The following AAGAB variants were observed in gnomAD, a reference collection of about 807,000 sequenced individuals.
AAGAB encodes the protein alpha- and gamma-adaptin-binding protein p34.
In AAGAB, 38 loss-of-function variants were observed where a neutral mutation model predicts 44.1. The observed-to-expected ratio is 0.86, with a 90% CI of 0.67 to 1.13. AAGAB has a LOEUF of 1.13. Among genes scored for constraint, AAGAB ranks in the 50% most tolerant of loss-of-function variants. The pLI is 0.00. For missense variants in AAGAB, 450 were observed against 373.8 expected, an observed-to-expected ratio of 1.20 and a Z score of -1.68; for synonymous variants, 131 against 131.8, an observed-to-expected ratio of 0.99 and a Z score of 0.04.
At chr15:67,227,935 C>A (rs1276615385) in intron 5 of AAGAB, among the ~76,000 whole-genome samples, 2 of 151,912 alleles carry the variant, frequency 1.3e-5, no homozygotes, top group Admixed American at 1.3e-4. Flanking sequence ...AACTAATGCA[C>A]CAGTACTGTC....
At chr15:67,203,425 G>A in intron 9 of AAGAB, 123 bp downstream of exon 9, 1 of 840,876 alleles carries the variant, frequency 1.2e-6, no homozygotes, top group Non-Finnish European at 1.8e-6. Context: ...TTAGTTAGAA[G>A]TTAATATTCA....
intron 1 of AAGAB, among the ~76,000 whole-genome samples, chr15:67,240,152 A>G (rs1176286507): frequency 6.6e-6 from 1 of 152,242 alleles, no homozygotes; most frequent in Non-Finnish European, 1.5e-5. Context: ...TAGCCAGAAT[A>G]GGGGCACAAT....
intron 1 of AAGAB, chr15:67,254,261 C>A: frequency 2.0e-6 from 1 of 503,704 alleles, no homozygotes; most frequent in African/African-American, 1.9e-5. Context: ...TCCGGAGAGC[C>A]TTCAGGTTCA....
chr15:67,249,582 A>AT (rs376605158), intron 1 of AAGAB, among the ~76,000 whole-genome samples: 318 of 152,194 alleles, frequency 2.1e-3, no homozygotes, highest in Non-Finnish European at 3.7e-3. Flanking sequence ...GATGGCAACA[A>AT]TTTTTTTCCC....
intron 1 of AAGAB, among the ~76,000 whole-genome samples, chr15:67,239,006 A>G (rs961917944): frequency 3.9e-5 from 6 of 152,180 alleles, no homozygotes; most frequent in African/African-American, 1.4e-4. Context: ...TTCTTGGGTA[A>G]TTTTTAAAAA....
chr15:67,209,408 G>T, intron 6 of AAGAB, 54 bp downstream of exon 6: 1 of 1,352,506 alleles, frequency 7.4e-7, no homozygotes, highest in Non-Finnish European at 1.1e-6. Context: ...GATTCATAAT[G>T]ACAAGGAGAA....
intron 1 of AAGAB, among the ~76,000 whole-genome samples, chr15:67,244,530 C>T (rs1048990482): frequency 2.0e-5 from 3 of 152,062 alleles, no homozygotes; most frequent in South Asian, 2.1e-4. Flanking sequence ...GAGCCAGGCA[C>T]GGTGGCTCAT....
intron 1 of AAGAB, among the ~76,000 whole-genome samples, chr15:67,254,011 CA>C (rs1964986068): frequency 6.6e-6 from 1 of 152,174 alleles, no homozygotes; most frequent in African/African-American, 2.4e-5. Flanking sequence ...CAATCATACC[CA>C]AAAACTCATG....
intron 5 of AAGAB, among the ~76,000 whole-genome samples, chr15:67,214,334 G>A (rs1172457600): frequency 6.6e-6 from 1 of 152,170 alleles, no homozygotes; most frequent in Non-Finnish European, 1.5e-5. Flanking sequence ...ACTCCTTGAG[G>A]CATTGGTCAC....
intron 5 of AAGAB, among the ~76,000 whole-genome samples, chr15:67,223,948 C>G (rs1829817721): frequency 6.6e-6 from 1 of 152,144 alleles, no homozygotes; most frequent in Non-Finnish European, 1.5e-5. Context: ...GGTGAAACAC[C>G]TCATCTCCTT....
At chr15:67,209,945 C>A (rs1433224316) in intron 5 of AAGAB, among the ~76,000 whole-genome samples, 2 of 152,136 alleles carry the variant, frequency 1.3e-5, no homozygotes, top group Non-Finnish European at 2.9e-5. Context: ...GGATTACAGG[C>A]CTGAGCCACA....
chr15:67,209,994 T>TA (rs1567015680), intron 5 of AAGAB, among the ~76,000 whole-genome samples: 3 of 152,052 alleles, frequency 2.0e-5, no homozygotes, highest in Non-Finnish European at 2.9e-5. Context: ...GTACATTTTT[T>TA]AAAAAAATCA....
At chr15:67,208,962 G>C (rs528216267) in intron 6 of AAGAB, among the ~76,000 whole-genome samples, 1 of 152,134 alleles carries the variant, frequency 6.6e-6, no homozygotes, top group African/African-American at 2.4e-5. Flanking sequence ...TAACACAATC[G>C]TAACACAAAT....
At chr15:67,222,963 C>A (rs1023595577) in intron 5 of AAGAB, among the ~76,000 whole-genome samples, 1 of 152,224 alleles carries the variant, frequency 6.6e-6, no homozygotes, top group African/African-American at 2.4e-5. Context: ...GGTCAACTCT[C>A]TGTTCTCATC....
intron 6 of AAGAB, 125 bp from the exon 7 acceptor site, chr15:67,208,783 G>C: frequency 1.4e-6 from 1 of 689,990 alleles, no homozygotes; most frequent in Non-Finnish European, 2.4e-6. Context: ...TGGAGGCAAA[G>C]AAAGAAGAGC....
intron 5 of AAGAB, among the ~76,000 whole-genome samples, chr15:67,217,103 A>G (rs1963969117): frequency 6.6e-6 from 1 of 152,154 alleles, no homozygotes; most frequent in South Asian, 2.1e-4. Context: ...TATTTATTTA[A>G]TTTTTGACCA....
chr15:67,231,700 A>C, intron 5 of AAGAB, 114 bp downstream of exon 5: 1 of 848,216 alleles, frequency 1.2e-6, no homozygotes, highest in South Asian at 1.7e-5. Context: ...GCGAACTGAA[A>C]TTGGAACAAA....
intron 1 of AAGAB, among the ~76,000 whole-genome samples, chr15:67,249,587 T>C (rs1964814022): frequency 6.6e-6 from 1 of 152,216 alleles, no homozygotes; most frequent in Non-Finnish European, 1.5e-5. Context: ...CAACAATTTT[T>C]TTCCCCTCCA....
chr15:67,240,932 C>G (rs1227437162), intron 1 of AAGAB, among the ~76,000 whole-genome samples: 2 of 152,018 alleles, frequency 1.3e-5, no homozygotes, highest in Non-Finnish European at 2.9e-5. Context: ...AGGCAGCTGG[C>G]TTTCTATGGT....
Sources: allele counts gnomAD v4.1 joint callset (sites outside exome capture counted in the v4.1 genomes callset), GRCh38; gene constraint gnomAD v4.1.1; transcripts MANE v1.5; gene names NCBI Gene and HGNC (gene_info 2026-07-23, HGNC 2026-07-21).